GSDME: variants seen among roughly 807,000 people sequenced by gnomAD.
The protein encoded by GSDME is gasdermin-E.
In GSDME, 44 loss-of-function variants were observed where a neutral mutation model predicts 47.5. The ratio of observed to expected loss-of-function variants is 0.93; its 90% CI spans 0.73 to 1.19. The LOEUF (loss-of-function observed/expected upper bound fraction) is 1.19. GSDME is among the 50% of genes most tolerant of loss of function. The probability of loss-of-function intolerance (pLI) is 0.00; values close to 1 mark genes in which losing one functional copy is unlikely to be tolerated. For missense variants in GSDME, 663 were observed against 604.2 expected (o/e 1.10, Z -1.02); for synonymous variants, 258 against 252.8 (o/e 1.02, Z -0.20).
intron 3 of GSDME, among the ~76,000 whole-genome samples, chr7:24,734,108 A>T (rs1214357050): frequency 6.6e-6 from 1 of 152,222 alleles, no homozygotes; most frequent in Non-Finnish European, 1.5e-5. Context: ...TGGAGAAAGT[A>T]AGGGAAGAGA....
At chr7:24,699,367 G>C in intron 9 of GSDME, 108 bp from the exon 10 acceptor site, 1 of 791,206 alleles carries the variant, frequency 1.3e-6, no homozygotes. Context: ...TTTTGAGATG[G>C]AGTCTTGCTC....
the GSDME span, among the ~76,000 whole-genome samples, chr7:24,777,438 T>G: frequency 6.6e-6 from 1 of 152,210 alleles, no homozygotes; most frequent in Non-Finnish European, 1.5e-5. Context: ...TATAGATGGC[T>G]CTTAGGGGAA....
the GSDME span, among the ~76,000 whole-genome samples, chr7:24,784,528 C>T: frequency 6.6e-6 from 1 of 151,754 alleles, no homozygotes; most frequent in Non-Finnish European, 1.5e-5. Context: ...ATCTGATGTT[C>T]AAGAGCTGGA....
chr7:24,752,336 A>C (rs1402079361), intron 1 of GSDME, among the ~76,000 whole-genome samples: 1 of 152,228 alleles, frequency 6.6e-6, no homozygotes, highest in Admixed American at 6.5e-5. Flanking sequence ...CCCCCAATCC[A>C]TGTCCTGCCT....
chr7:24,787,412 T>C, the GSDME span, among the ~76,000 whole-genome samples: 1 of 152,246 alleles, frequency 6.6e-6, no homozygotes, highest in Admixed American at 6.5e-5. The surrounding 1 kb of genome is among the most constrained non-coding windows in gnomAD (Gnocchi z 5.0). Flanking sequence ...GTCCCAGCTA[T>C]GTGCTGATCA....
intron 3 of GSDME, among the ~76,000 whole-genome samples, chr7:24,729,188 C>T (rs1000249616): frequency 6.6e-6 from 1 of 152,234 alleles, no homozygotes; most frequent in Non-Finnish European, 1.5e-5. Flanking sequence ...CCAAACGCAG[C>T]TGATGCCCAG....
Position 24,714,259 on chromosome 7 carries a change from C to T in GSDME, c.697+2995G>A, listed in dbSNP as rs1187091786. Among the ~76,000 whole-genome samples, 1 of 152,130 alleles carries T rather than the reference C, an allele frequency of 6.6e-6. No homozygotes were observed. Among genetic ancestry groups the T allele is most frequent in the African/African-American group, 2.4e-5 (1 of 41,440 alleles). ...GCCGGGATACAGATGGAGTCTGCCT[C>T]CCTTCGAGGTTTCAAAGGACGACCA... On this transcript the variant is annotated intron_variant, in intron 5 of 9. Transcript: ENST00000645220. This position sits in a 1 kb window ranked among gnomAD's most constrained non-coding sequence, Gnocchi z 5.0.
the GSDME span, among the ~76,000 whole-genome samples, chr7:24,782,519 A>G: frequency 2.6e-5 from 4 of 152,204 alleles, no homozygotes; most frequent in South Asian, 2.1e-4. Flanking sequence ...TAGTGCCACA[A>G]TAAACATACG....
At chr7:24,795,099 G>C in the GSDME span, among the ~76,000 whole-genome samples, 1 of 152,192 alleles carries the variant, frequency 6.6e-6, no homozygotes, top group South Asian at 2.1e-4. Context: ...CCGTGTTCCA[G>C]ATGTCTGGAC....
chr7:24,763,486 G>A, the GSDME span, among the ~76,000 whole-genome samples: 6 of 152,048 alleles, frequency 3.9e-5, no homozygotes, highest in South Asian at 6.2e-4. The surrounding 1 kb of genome is among the most constrained non-coding windows in gnomAD (Gnocchi z 4.3). Flanking sequence ...GCAGGCAGGC[G>A]TGTAGACAGC....
At chr7:24,746,431 G>C (rs1003829282) in intron 2 of GSDME, among the ~76,000 whole-genome samples, 2 of 151,788 alleles carry the variant, frequency 1.3e-5, no homozygotes, top group Non-Finnish European at 2.9e-5. Flanking sequence ...GCTACCTGAC[G>C]GGTTCTGCTG....
At chr7:24,749,357 C>A (rs1231531669) in intron 2 of GSDME, among the ~76,000 whole-genome samples, 1 of 152,016 alleles carries the variant, frequency 6.6e-6, no homozygotes, top group African/African-American at 2.4e-5. Flanking sequence ...CAAAAATTAG[C>A]TGGGCGTGGT....
In GSDME at chr7:24,754,981, T is replaced by C. The variant is rs1790969701; in HGVS notation, c.-20+2415A>G. 6.6e-6 allele frequency among the ~76,000 whole-genome samples: 1 copy of C among 152,208 alleles called. No homozygotes were observed. Among genetic ancestry groups the C allele is most frequent in the Non-Finnish European group, 1.5e-5 (1 of 68,016 alleles). On this transcript the variant is annotated intron_variant, in intron 1 of 9. Transcript: ENST00000645220. The surrounding 1 kb of genome is among the most constrained non-coding windows in gnomAD (Gnocchi z 5.0). ...TTGAGTATCTGCTATGTTCCAGGCA[T>C]GGGTCTTACTGCCTTATACACATTT...
intron 3 of GSDME, among the ~76,000 whole-genome samples, chr7:24,731,625 A>G (rs1275867186): frequency 6.6e-6 from 1 of 152,222 alleles, no homozygotes; most frequent in East Asian, 1.9e-4. Flanking sequence ...GGCAGGCTCT[A>G]TACTTATTGC....
rs1297576222 is a variant in GSDME at position 24,721,542 on chromosome 7, C to T, written c.405-2324G>A. Among the ~76,000 whole-genome samples the T allele has an allele frequency of 6.6e-6, 1 of 152,226 alleles. No homozygotes were observed. The highest frequency in any genetic ancestry group is 1.5e-5 in the Non-Finnish European group (1 of 68,038). ...TGAACTGTTGGTAACAGGGCCCCCTCCTCATGGGGTTCCGTCAGGGTTTAG... is the reference window on the plus strand; with the variant it reads ...TGAACTGTTGGTAACAGGGCCCCCTTCTCATGGGGTTCCGTCAGGGTTTAG... On this transcript the variant is annotated intron_variant, in intron 3 of 9. Transcript: ENST00000645220. This position sits in a 1 kb window ranked among gnomAD's most constrained non-coding sequence, Gnocchi z 4.1.
chr7:24,738,797 G>A (rs1423851549), intron 3 of GSDME, among the ~76,000 whole-genome samples: 1 of 152,034 alleles, frequency 6.6e-6, no homozygotes, highest in Non-Finnish European at 1.5e-5. Context: ...ACAGACCAAT[G>A]GAATGGGATG....
chr7:24,782,385 AG>A, the GSDME span, among the ~76,000 whole-genome samples: 3 of 152,176 alleles, frequency 2.0e-5, no homozygotes, highest in African/African-American at 7.2e-5. Context: ...GTCGCTACAA[AG>A]GACATGAATT....
intron 9 of GSDME, among the ~76,000 whole-genome samples, chr7:24,699,817 A>T (rs1788790003): frequency 6.6e-6 from 1 of 152,228 alleles, no homozygotes; most frequent in Non-Finnish European, 1.5e-5. Flanking sequence ...CCAGTACATT[A>T]GAAAGGTTAG....
the GSDME span, among the ~76,000 whole-genome samples, chr7:24,774,808 G>A: frequency 1.3e-5 from 2 of 152,182 alleles, no homozygotes; most frequent in Admixed American, 1.3e-4. Context: ...TGGGATTACA[G>A]GTGTGAGCCA....
Sources: gnomAD v4.1 joint callset for allele counts (sites outside exome capture counted in the v4.1 genomes callset) on GRCh38, gnomAD v4.1.1 for gene constraint, Gnocchi (gnomAD v3.1) non-coding constraint, MANE v1.5 for transcripts, NCBI Gene and HGNC (gene_info 2026-07-23, HGNC 2026-07-21) for gene names.